PPP1R9A: variants seen among roughly 807,000 people sequenced by gnomAD.
PPP1R9A encodes protein phosphatase 1 regulatory subunit 9A, also known as neurabin-1.
PPP1R9A carries 59 observed loss-of-function variants against 141.9 expected under a neutral mutation model. The ratio of observed to expected loss-of-function variants is 0.42; its 90% CI spans 0.34 to 0.52. PPP1R9A has a LOEUF of 0.52. Among genes scored for constraint, PPP1R9A ranks in the 20% least tolerant of loss-of-function variants. PPP1R9A has a pLI of 0.10. For synonymous variants in PPP1R9A, 500 were observed against 569.7 expected (o/e 0.88, Z 1.74); for missense variants, 1,444 against 1,611.9 (o/e 0.90, Z 1.78).
At chr7:94,907,559 GC>G (rs1252507367), upstream of PPP1R9A, 1 of 152,136 alleles carries the variant, frequency 6.6e-6, no homozygotes, top group African/African-American at 2.4e-5. Flanking sequence ...CTCGCCCACG[GC>G]CGAGGGGGTG....
intron 2 of PPP1R9A, among the ~76,000 whole-genome samples, chr7:95,027,082 AG>A (rs904041447): frequency 2.6e-5 from 4 of 152,040 alleles, no homozygotes; most frequent in African/African-American, 9.7e-5. Context: ...CCCCTTTCCA[AG>A]GGAGTGAATG....
At chr7:94,996,904 G>A (rs1802262934) in intron 2 of PPP1R9A, among the ~76,000 whole-genome samples, 1 of 148,012 alleles carries the variant, frequency 6.8e-6, no homozygotes, top group Non-Finnish European at 1.5e-5. Flanking sequence ...CCAGGTTCAA[G>A]CAATTCCCCT....
Position 94,927,015 on chromosome 7 carries a change from G to A in PPP1R9A, c.1395+15507G>A, listed in dbSNP as rs552126585. Among the ~76,000 whole-genome samples, 46 of 152,252 alleles carry A rather than the reference G, an allele frequency of 3.0e-4. No homozygotes were observed. In the South Asian group the frequency reaches 4.4e-3, roughly 14 times the overall value. On this transcript the variant is annotated intron_variant, in intron 2 of 19. Coordinates refer to ENST00000433360, the MANE Select transcript of PPP1R9A (RefSeq NM_001166160.2). ...AATGTCTGACAGTTGTTATTAAGCT[G>A]AAATATGAAATAGCTTTGCTTGTTC...
Position 95,294,361 on chromosome 7 carries a change from T to C in PPP1R9A, c.*4058T>C, listed in dbSNP as rs1806804177. 6.8e-6 allele frequency: 1 copy of C among 148,128 alleles called. No individual in the cohort carries two copies. The allele number at this position is 148,128 out of a possible 1,614,324, so 9.2% of individuals were successfully genotyped here. ...ATGTCTTACTGCAGCCTCAAACTCC[T>C]GGGCTCAAGTGGTCCTCCTGCTTCA... is the stretch of plus-strand genomic sequence containing the variant. On this transcript the variant is annotated 3_prime_UTR_variant, in exon 20 of 20. Transcript: ENST00000433360.
At chr7:95,080,615 A>G (rs1230458679) in intron 2 of PPP1R9A, among the ~76,000 whole-genome samples, 1 of 152,228 alleles carries the variant, frequency 6.6e-6, no homozygotes, top group African/African-American at 2.4e-5. Context: ...GAACCAAAAA[A>G]GAGCCCGCAT....
Position 95,286,826 on chromosome 7 carries a change from AAG to A in PPP1R9A, c.3729+506_3729+507del, listed in dbSNP as rs539307260. On this transcript the variant is annotated intron_variant, in intron 18 of 19. Coordinates refer to ENST00000433360, the MANE Select transcript of PPP1R9A (RefSeq NM_001166160.2). ...AAATTATCAGGAGATAAATGTGTACAAGAGAGTCAGGAAATGAGGTTAGTGAT... is the reference window on the plus strand; with the variant it reads ...AAATTATCAGGAGATAAATGTGTACAAGAGTCAGGAAATGAGGTTAGTGAT... Among the ~76,000 whole-genome samples, 13 of 152,332 alleles carry A rather than the reference AAG, an allele frequency of 8.5e-5. No individual in the cohort carries two copies. The East Asian group carries it at 2.5e-3, about 29-fold the overall frequency.
chr7:94,967,391 C>T (rs985649252), intron 2 of PPP1R9A, among the ~76,000 whole-genome samples: 2 of 151,916 alleles, frequency 1.3e-5, no homozygotes, highest in African/African-American at 4.8e-5. Flanking sequence ...TTCTCTAGTT[C>T]TTTTAATTGT....
intron 4 of PPP1R9A, among the ~76,000 whole-genome samples, chr7:95,131,531 C>T (rs1824611776): frequency 6.6e-6 from 1 of 152,036 alleles, no homozygotes; most frequent in Admixed American, 6.6e-5. Context: ...GTTACTGTAG[C>T]ATTAGAGTAT....
chr7:95,161,700 C>T (rs1469243567), intron 4 of PPP1R9A, among the ~76,000 whole-genome samples, 167 bp from the exon 5 acceptor site: 1 of 151,938 alleles, frequency 6.6e-6, no homozygotes, highest in Non-Finnish European at 1.5e-5. Context: ...AAATGTGGAA[C>T]CCACTGATAA....
chr7:95,228,243 T>C (rs1795415674), intron 8 of PPP1R9A, among the ~76,000 whole-genome samples: 1 of 152,218 alleles, frequency 6.6e-6, no homozygotes, highest in Non-Finnish European at 1.5e-5. Flanking sequence ...TTTGTATCTA[T>C]CTTCCTGCTA....
intron 2 of PPP1R9A, chr7:95,108,784 G>A (rs956034930): frequency 4.6e-5 from 7 of 151,940 alleles, no homozygotes; most frequent in African/African-American, 1.7e-4. Context: ...AAAAAAAAAT[G>A]TTGGGAAGGA....
intron 5 of PPP1R9A, among the ~76,000 whole-genome samples, chr7:95,190,004 A>G (rs567604054): frequency 6.6e-6 from 1 of 152,038 alleles, no homozygotes; most frequent in Admixed American, 6.5e-5. Context: ...TCTGGTATCT[A>G]CTTGAGTAGT....
intron 2 of PPP1R9A, among the ~76,000 whole-genome samples, chr7:95,010,808 CAG>C (rs550212786): frequency 2.0e-5 from 3 of 151,788 alleles, no homozygotes; most frequent in Non-Finnish European, 4.4e-5. Context: ...ATTGCTATAA[CAG>C]ATAATATTTT....
intron 7 of PPP1R9A, among the ~76,000 whole-genome samples, chr7:95,215,886 G>A (rs1208935178): frequency 1.3e-5 from 2 of 152,074 alleles, no homozygotes; most frequent in Non-Finnish European, 2.9e-5. Flanking sequence ...TTTGTCAGAT[G>A]AGTAGATTGC....
At chr7:95,251,198 A>G (rs150761182) in intron 10 of PPP1R9A, among the ~76,000 whole-genome samples, 180 of 152,272 alleles carry the variant, frequency 1.2e-3, no homozygotes, top group African/African-American at 4.2e-3. Context: ...AAATAATTTT[A>G]TAGTAAATTT....
chr7:95,236,012 G>A (rs1189339621), intron 8 of PPP1R9A, among the ~76,000 whole-genome samples: 2 of 152,098 alleles, frequency 1.3e-5, no homozygotes, highest in Non-Finnish European at 2.9e-5. Flanking sequence ...GGTGGCAAGA[G>A]GTTAAAGACT....
intron 2 of PPP1R9A, among the ~76,000 whole-genome samples, chr7:94,963,885 G>A (rs1797918964): frequency 6.6e-6 from 1 of 152,114 alleles, no homozygotes; most frequent in Non-Finnish European, 1.5e-5. Flanking sequence ...CCTGGCATTG[G>A]CATATCCCAT....
intron 2 of PPP1R9A, among the ~76,000 whole-genome samples, chr7:94,944,386 C>A (rs1252958427): frequency 2.0e-5 from 3 of 151,968 alleles, no homozygotes; most frequent in African/African-American, 7.3e-5. Context: ...TAGCACCATG[C>A]CCCTTACACA....
intron 2 of PPP1R9A, among the ~76,000 whole-genome samples, chr7:95,032,512 T>C (rs1807833859): frequency 6.6e-6 from 1 of 152,204 alleles, no homozygotes; most frequent in Admixed American, 6.5e-5. Context: ...TTTCTTCAGC[T>C]TTAGCTGGTC....
Sources: gnomAD v4.1 joint callset for allele counts (sites outside exome capture counted in the v4.1 genomes callset) on GRCh38, gnomAD v4.1.1 for gene constraint, MANE v1.5 for transcripts, NCBI Gene and HGNC (gene_info 2026-07-23, HGNC 2026-07-21) for gene names.